Variants in PNPLA1 observed in about 807,000 individuals in gnomAD.
PNPLA1 encodes the protein patatin like domain 1, omega-hydroxyceramide transacylase.
In PNPLA1, 36 loss-of-function variants were observed where a neutral mutation model predicts 51.7. The observed-to-expected ratio is 0.70, with a 90% CI of 0.53 to 0.92. The LOEUF (loss-of-function observed/expected upper bound fraction) is 0.92. Among genes scored for constraint, PNPLA1 ranks in the 40% least tolerant of loss-of-function variants. The pLI is 0.00. For synonymous variants in PNPLA1, 293 were observed against 280.1 expected, an observed-to-expected ratio of 1.05 and a Z score of -0.46; for missense variants, 658 against 682.5, an observed-to-expected ratio of 0.96 and a Z score of 0.40.
intron 1 of PNPLA1, among the ~76,000 whole-genome samples, chr6:36,248,562 C>T (rs189952405): frequency 2.0e-4 from 31 of 151,760 alleles, no homozygotes; most frequent in Admixed American, 1.9e-3. Flanking sequence ...TGCTCTGTCG[C>T]CCAGGCTGGA....
At chr6:36,267,660 C>T (rs73415565), upstream of PNPLA1, among the ~76,000 whole-genome samples, 711 of 152,110 alleles carry the variant, frequency 4.7e-3, 6 homozygotes, top group African/African-American at 0.015. Flanking sequence ...TGGGATGACC[C>T]GGAAAAAGAA....
At position 36,302,255 on chromosome 6, in the gene PNPLA1, C is replaced by T. The variant is rs776161341; in HGVS notation, c.1170C>T (p.Pro390=). 2 of 1,614,214 alleles carry T rather than the reference C, an allele frequency of 1.2e-6. No homozygotes were observed. Among genetic ancestry groups the T allele is most frequent in the Non-Finnish European group, 1.7e-6 (2 of 1,180,042 alleles). Residue 390 remains proline, a synonymous_variant, in exon 6 of 9, where the codon CCC becomes CCT. Coordinates refer to ENST00000636260, the MANE Select transcript of PNPLA1 (RefSeq NM_001374623.1). ...PPSSTPGSSL[P]TPPPGLSPLS... is the part of the protein sequence containing the mutation. ...GCTCCACACCTGGTTCATCACTGCC[C>T]ACCCCACCACCTGGACTGTCACCTC... is the stretch of plus-strand genomic sequence containing the variant.
chr6:36,286,237 T>C (rs896655641), intron 1 of PNPLA1, among the ~76,000 whole-genome samples: 1 of 152,228 alleles, frequency 6.6e-6, no homozygotes, highest in Non-Finnish European at 1.5e-5. Flanking sequence ...ATGATCTAGA[T>C]AGCATGTGGT....
rs1770678123 is a variant in PNPLA1 at position 36,291,470 on chromosome 6, A to G, written c.356A>G (p.Lys119Arg). 9.3e-6 allele frequency: 15 copies of G among 1,613,586 alleles called. No homozygotes were observed. The highest frequency in any genetic ancestry group is 1.3e-5 in the Non-Finnish European group (15 of 1,179,844). The change falls in exon 2 of 9, where the codon AAG becomes AGG. Residue 119 changes from lysine to arginine, a missense_variant. By Grantham distance (26) the Lys-to-Arg change is conservative. Coordinates refer to ENST00000636260, the MANE Select transcript of PNPLA1 (RefSeq NM_001374623.1). ...PEDSYKVTTGKLHVSLTRLTD... is the reference protein window; with the variant it reads ...PEDSYKVTTGRLHVSLTRLTD... ...GACTCCTACAAGGTCACCACGGGGA[A>G]GCTCCATGTGAGCCTCACCCGCTTA...
intron 1 of PNPLA1, among the ~76,000 whole-genome samples, chr6:36,283,092 G>C (rs1405856531): frequency 3.9e-5 from 6 of 152,132 alleles, no homozygotes; most frequent in Non-Finnish European, 2.9e-5. Context: ...CCTTCACCCA[G>C]TCTCCCCTAA....
At chr6:36,249,567 T>C (rs1479432493) in intron 1 of PNPLA1, among the ~76,000 whole-genome samples, 1 of 152,232 alleles carries the variant, frequency 6.6e-6, no homozygotes, top group Non-Finnish European at 1.5e-5. Flanking sequence ...GGCCTGGCTC[T>C]GACTTAGGGT....
chr6:36,288,974 A>G (rs1056601434), intron 1 of PNPLA1, among the ~76,000 whole-genome samples: 1 of 152,186 alleles, frequency 6.6e-6, no homozygotes, highest in Non-Finnish European at 1.5e-5. Context: ...CTGGAAAAAC[A>G]TTCACAACAT....
upstream of PNPLA1, among the ~76,000 whole-genome samples, chr6:36,269,382 C>T (rs2127323349): frequency 6.6e-6 from 1 of 152,328 alleles, no homozygotes; most frequent in African/African-American, 2.4e-5. Flanking sequence ...ACCGCAGCCC[C>T]TGGAGCTAAC....
intron 1 of PNPLA1, among the ~76,000 whole-genome samples, chr6:36,283,078 G>C (rs566779731): frequency 6.6e-6 from 1 of 152,142 alleles, no homozygotes; most frequent in Non-Finnish European, 1.5e-5. Flanking sequence ...AGAGCTCTGC[G>C]TATCCTTCAC....
At chr6:36,295,459 T>C in intron 5 of PNPLA1, 35 bp downstream of exon 5, 1 of 1,605,326 alleles carries the variant, frequency 6.2e-7, no homozygotes, top group Non-Finnish European at 8.5e-7. Flanking sequence ...AAGGGCAGTG[T>C]TGGAGGGTAG....
rs149613496 is a variant in PNPLA1 at position 36,293,096 on chromosome 6, T to C, written c.474T>C (p.Cys158=). 9.9e-6 allele frequency: 16 copies of C among 1,614,118 alleles called. No individual in the cohort carries two copies. Among genetic ancestry groups the C allele is most frequent in the Non-Finnish European group, 1.4e-5 (16 of 1,179,992 alleles). Reference sequence around the variant, plus strand: ...GCAGCTGCTTCGTCCCGGTGTACTGTGGCCTCATCCCCCCGACTTACCGCG... The same window carrying C: ...GCAGCTGCTTCGTCCCGGTGTACTGCGGCCTCATCCCCCCGACTTACCGCG... ...LYCSCFVPVY[C]GLIPPTYRGV... Residue 158 remains cysteine, a synonymous_variant, in exon 3 of 9, where the codon TGT becomes TGC. Coordinates refer to ENST00000636260, the MANE Select transcript of PNPLA1 (RefSeq NM_001374623.1).
chr6:36,302,562 G>A, intron 6 of PNPLA1, 93 bp downstream of exon 6: 1 of 1,474,152 alleles, frequency 6.8e-7, no homozygotes, highest in Non-Finnish European at 9.0e-7. Flanking sequence ...GCTTCTTTAG[G>A]GGTGCGTGGC....
chr6:36,291,592 C>CCCGGGGGGGGGGG, intron 2 of PNPLA1, 40 bp downstream of exon 2: 7 of 105,202 alleles, frequency 6.7e-5, no homozygotes, highest in Admixed American at 1.4e-4. Flanking sequence ...ACGGAGGGGG[C>CCCGGGGGGGGGGG]GGGGGAGGGC....
At chr6:36,302,912 G>A (rs546626268) in intron 6 of PNPLA1, among the ~76,000 whole-genome samples, 3 of 152,114 alleles carry the variant, frequency 2.0e-5, no homozygotes, top group African/African-American at 4.8e-5. Context: ...AGAGTGGTCC[G>A]CAGACCAACC....
intron 7 of PNPLA1, among the ~76,000 whole-genome samples, chr6:36,307,353 G>A (rs112618407): frequency 6.6e-6 from 1 of 152,176 alleles, no homozygotes; most frequent in South Asian, 2.1e-4. Context: ...AAACTTTTTT[G>A]CATTTACATA....
chr6:36,290,146 C>T (rs1044894125), intron 1 of PNPLA1, among the ~76,000 whole-genome samples: 2 of 152,136 alleles, frequency 1.3e-5, no homozygotes, highest in East Asian at 1.9e-4. Flanking sequence ...AACTCATGAC[C>T]GCACAGCTTC....
At chr6:36,280,120 T>G (rs937499040) in intron 1 of PNPLA1, among the ~76,000 whole-genome samples, 1 of 152,302 alleles carries the variant, frequency 6.6e-6, no homozygotes, top group East Asian at 1.9e-4. Context: ...GCAGGAGAAT[T>G]GTGTGAACCC....
intron 1 of PNPLA1, among the ~76,000 whole-genome samples, chr6:36,278,802 C>G (rs770176254): frequency 6.6e-6 from 1 of 152,200 alleles, no homozygotes; most frequent in South Asian, 2.1e-4. Flanking sequence ...AACATTCATT[C>G]GCTCATTCAT....
chr6:36,307,243 CATTAAGTATA>C (rs1771265056), intron 7 of PNPLA1, among the ~76,000 whole-genome samples: 1 of 152,172 alleles, frequency 6.6e-6, no homozygotes, highest in East Asian at 1.9e-4. Flanking sequence ...CTGCTTCCCA[CATTAAGTATA>C]ATTTTAACCA....
Sources: allele counts gnomAD v4.1 joint callset (sites outside exome capture counted in the v4.1 genomes callset), GRCh38; gene constraint gnomAD v4.1.1; transcripts MANE v1.5; gene names NCBI Gene and HGNC (gene_info 2026-07-23, HGNC 2026-07-21).